Variants in GALNT5 observed in about 807,000 individuals in gnomAD.
GALNT5 encodes the protein polypeptide N-acetylgalactosaminyltransferase 5, also known as UDP-GalNAc:polypeptide N-acetylgalactosaminyltransferase 5.
GALNT5 carries 72 observed loss-of-function variants against 85.4 expected under a neutral mutation model. The ratio of observed to expected loss-of-function variants is 0.84; its 90% CI spans 0.70 to 1.03. The LOEUF is 1.03. GALNT5 is among the 50% of genes least tolerant of loss of function. The probability of loss-of-function intolerance (pLI) is 0.00; values close to 1 mark genes in which losing one functional copy is unlikely to be tolerated. For missense variants in GALNT5, 1,137 were observed against 1,135.5 expected (o/e 1.00, Z -0.02); for synonymous variants, 404 against 397.0 (o/e 1.02, Z -0.21).
chr2:157,304,931 G>A (rs1683421890), intron 7 of GALNT5, among the ~76,000 whole-genome samples: 1 of 152,126 alleles, frequency 6.6e-6, no homozygotes, highest in Non-Finnish European at 1.5e-5. Flanking sequence ...AGTGTCCCTG[G>A]CAACAAAGAC....
At chr2:157,290,164 TA>T (rs1474181806) in intron 3 of GALNT5, among the ~76,000 whole-genome samples, 4 of 150,420 alleles carry the variant, frequency 2.7e-5, no homozygotes, top group Non-Finnish European at 2.9e-5. Flanking sequence ...TACATGTATA[TA>T]AAAACAGTAA....
Position 157,259,464 on chromosome 2 carries a change from A to G in GALNT5, c.1382A>G (p.Glu461Gly), listed in dbSNP as rs751937516. ...KEKEAERRWK[E>G]GNFNVYLSDL... is the part of the protein sequence containing the mutation. ...AAGGAGGCAGAAAGAAGATGGAAAG[A>G]AGGAAACTTCAATGTCTACCTTAGC... is the stretch of plus-strand genomic sequence containing the variant. The change falls in exon 1 of 10, where the codon GAA becomes GGA. Residue 461 changes from glutamate (E) to glycine (G), a missense_variant. Glu to Gly is a moderately conservative substitution (Grantham distance 98). Transcript: ENST00000259056. The G allele has an allele frequency of 1.4e-6, 2 of 1,463,468 alleles. No individual in the cohort carries two copies. Among genetic ancestry groups the G allele is most frequent in the Non-Finnish European group, 1.8e-6 (2 of 1,106,024 alleles). 90.7% of individuals were successfully genotyped at this position (1,463,468 alleles called of 1,614,324 possible). A position where few individuals can be genotyped will look rare whatever the true frequency, so the allele number is the denominator to read the frequency against.
chr2:157,305,604 A>T (rs1683439147), intron 7 of GALNT5, 145 bp from the exon 8 acceptor site: 2 of 581,366 alleles, frequency 3.4e-6, no homozygotes, highest in Non-Finnish European at 6.1e-6. Context: ...ATAGCAACCA[A>T]TAAAACTGGA....
chr2:157,296,411 A>ATC lies in GALNT5; in HGVS notation c.1895_1896insTC (p.Phe633ProfsTer11). ...TGGATTAGTTACATGACAGTGGATA[A>ATC]CTTTCAAAGAGGCATCTTTGTGTGG... On this transcript the variant is annotated frameshift_variant, in exon 5 of 10. Transcript: ENST00000259056. LOFTEE classifies it high-confidence loss of function. The ATC allele has an allele frequency of 3.7e-6, 6 of 1,609,810 alleles. No homozygotes were observed. Among genetic ancestry groups the ATC allele is most frequent in the Non-Finnish European group, 5.1e-6 (6 of 1,176,176 alleles).
chr2:157,272,973 A>C (rs1488766809), intron 1 of GALNT5, among the ~76,000 whole-genome samples: 2 of 152,236 alleles, frequency 1.3e-5, no homozygotes, highest in African/African-American at 4.8e-5. Context: ...TAGGAACTAC[A>C]TTCCTACCGA....
At chr2:157,269,361 T>C (rs770997346) in intron 1 of GALNT5, among the ~76,000 whole-genome samples, 1 of 152,188 alleles carries the variant, frequency 6.6e-6, no homozygotes, top group Non-Finnish European at 1.5e-5. Flanking sequence ...CCCTGAAACT[T>C]TGTATTGGAA....
chr2:157,304,788 G>A (rs1422257372), intron 7 of GALNT5, among the ~76,000 whole-genome samples: 3 of 152,174 alleles, frequency 2.0e-5, no homozygotes, highest in African/African-American at 7.2e-5. Context: ...AGCTAAGCAT[G>A]TAAAATTGAG....
At chr2:157,301,156 A>G (rs1683335025) in intron 7 of GALNT5, among the ~76,000 whole-genome samples, 157 bp downstream of exon 7, 1 of 152,148 alleles carries the variant, frequency 6.6e-6, no homozygotes, top group South Asian at 2.1e-4. Context: ...ATATAGGTAA[A>G]CTTGAGGAAG....
chr2:157,290,112 T>TATATATATATATATATATACACAC lies in GALNT5; in HGVS notation c.1741+3979_1741+3980insTATATATATATATATATACACACA, dbSNP rs1416458086. Reference sequence around the variant, plus strand: ...GTATATATATATATATATATATATATACATACACAAACACATATATACATA... The same window carrying TATATATATATATATATATACACAC: ...GTATATATATATATATATATATATATATATATATATATATATATACACACACATACACAAACACATATATACATA... On this transcript the variant is annotated intron_variant, in intron 3 of 9. Transcript: ENST00000259056. Among the ~76,000 whole-genome samples the TATATATATATATATATATACACAC allele has an allele frequency of 7.9e-4, 109 of 138,162 alleles. 1 individual carries two copies. Among genetic ancestry groups the TATATATATATATATATATACACAC allele is most frequent in the African/African-American group, 3.2e-3 (103 of 32,494 alleles). The allele number at this position is 138,162 out of a possible 152,430, so 90.6% of individuals were successfully genotyped here. A position where few individuals can be genotyped will look rare whatever the true frequency, so the allele number is the denominator to read the frequency against.
chr2:157,282,659 T>C (rs1682880924), intron 1 of GALNT5, among the ~76,000 whole-genome samples: 1 of 152,182 alleles, frequency 6.6e-6, no homozygotes, highest in Non-Finnish European at 1.5e-5. Flanking sequence ...TTCAAAGAAG[T>C]AGTAAAGCTG....
At chr2:157,290,087 GTA>G (rs55861093) in intron 3 of GALNT5, among the ~76,000 whole-genome samples, 2,140 of 131,650 alleles carry the variant, frequency 0.016, 139 homozygotes, top group African/African-American at 0.067. Context: ...AAAAAAAAAT[GTA>G]TATATATATA....
intron 1 of GALNT5, among the ~76,000 whole-genome samples, chr2:157,279,482 C>A (rs189290690): frequency 6.6e-6 from 1 of 152,250 alleles, no homozygotes; most frequent in Admixed American, 6.5e-5. Context: ...GGGCTCCACC[C>A]AGTTTGAGCT....
chr2:157,314,435 A>T lies in GALNT5; in HGVS notation c.*3087A>T, dbSNP rs1413811768. Among the ~76,000 whole-genome samples the T allele has an allele frequency of 6.6e-6, 1 of 152,200 alleles. No individual in the cohort carries two copies. Among genetic ancestry groups the T allele is most frequent in the African/African-American group, 2.4e-5 (1 of 41,450 alleles). On this transcript the variant is annotated 3_prime_UTR_variant, in exon 10 of 10. Transcript: ENST00000259056. ...GGTACAATCTTGTTCTATCACCAGCATCAAATTTGCTTAATACTGCTTGTT... is the reference window on the plus strand; with the variant it reads ...GGTACAATCTTGTTCTATCACCAGCTTCAAATTTGCTTAATACTGCTTGTT...
intron 1 of GALNT5, among the ~76,000 whole-genome samples, chr2:157,265,097 T>C (rs980918433): frequency 1.3e-5 from 2 of 152,210 alleles, no homozygotes; most frequent in Non-Finnish European, 2.9e-5. Context: ...TGGTGCCTTT[T>C]GAATAGTGTG....
chr2:157,269,044 T>C (rs1489988971), intron 1 of GALNT5, among the ~76,000 whole-genome samples: 1 of 152,164 alleles, frequency 6.6e-6, no homozygotes, highest in Non-Finnish European at 1.5e-5. Context: ...GTAGGATAAC[T>C]TGAAATGGTT....
At chr2:157,265,381 A>G (rs1682435142) in intron 1 of GALNT5, among the ~76,000 whole-genome samples, 1 of 152,228 alleles carries the variant, frequency 6.6e-6, no homozygotes. Context: ...AAGAATGGAA[A>G]GCACAATTCT....
At chr2:157,294,517 G>A (rs1258791437) in intron 3 of GALNT5, among the ~76,000 whole-genome samples, 1 of 152,124 alleles carries the variant, frequency 6.6e-6, no homozygotes, top group Non-Finnish European at 1.5e-5. Flanking sequence ...CCTGAATGGA[G>A]GCACCTGAGT....
chr2:157,309,853 T>C (rs932750309), intron 9 of GALNT5, among the ~76,000 whole-genome samples: 7 of 152,156 alleles, frequency 4.6e-5, no homozygotes, highest in Non-Finnish European at 7.3e-5. Flanking sequence ...TTCAGAAAGA[T>C]TAGGAATTAT....
In GALNT5 at chr2:157,314,705, T is replaced by C. The variant is rs1683657367; in HGVS notation, c.*3357T>C. Among the ~76,000 whole-genome samples the C allele has an allele frequency of 6.6e-6, 1 of 152,198 alleles. No individual in the cohort carries two copies. Among genetic ancestry groups the C allele is most frequent in the African/African-American group, 2.4e-5 (1 of 41,458 alleles). On this transcript the variant is annotated 3_prime_UTR_variant, in exon 10 of 10. Transcript: ENST00000259056. ...TCTAGCAGGCACTCATGCAATAGAATAAGATTGAAACATGCCAGAGAGTAC... is the reference window on the plus strand; with the variant it reads ...TCTAGCAGGCACTCATGCAATAGAACAAGATTGAAACATGCCAGAGAGTAC...
Sources: allele counts gnomAD v4.1 joint callset (sites outside exome capture counted in the v4.1 genomes callset), GRCh38; gene constraint gnomAD v4.1.1; transcripts MANE v1.5; gene names NCBI Gene and HGNC (gene_info 2026-07-23, HGNC 2026-07-21).